Variants in RBFOX1 observed in about 807,000 individuals in gnomAD.
RBFOX1 encodes the protein RNA binding fox-1 homolog 1.
Under a neutral mutation model 57.7 loss-of-function variants are expected in RBFOX1, and 8 were observed. That is an observed-to-expected ratio of 0.14 (90% CI 0.08 to 0.25). The LOEUF (loss-of-function observed/expected upper bound fraction) is 0.25, where lower values mean the gene tolerates loss of function less well. Ranked by LOEUF, RBFOX1 falls within the 10% of genes least tolerant of loss-of-function variation. The pLI is 1.00. For synonymous variants in RBFOX1, 326 were observed against 222.4 expected (o/e 1.47, Z -4.15); for missense variants, 611 against 548.5 (o/e 1.11, Z -1.14).
At chr16:6,544,192 G>T (rs4786101) in intron 2 of RBFOX1, among the ~76,000 whole-genome samples, 1 of 152,064 alleles carries the variant, frequency 6.6e-6, no homozygotes, top group Non-Finnish European at 1.5e-5. Context: ...AGGCCCTGTT[G>T]AACAGGCATT....
At chr16:5,896,975 T>C (rs2152166655) in intron 4 of RBFOX1, among the ~76,000 whole-genome samples, 1 of 148,186 alleles carries the variant, frequency 6.7e-6, no homozygotes, top group East Asian at 2.0e-4. Context: ...TTTTTTAAAA[T>C]CATAAGGCTC....
intron 3 of RBFOX1, among the ~76,000 whole-genome samples, chr16:7,044,847 T>C (rs911282626): frequency 2.0e-5 from 3 of 152,154 alleles, no homozygotes; most frequent in Non-Finnish European, 2.9e-5. Flanking sequence ...GTGCCTTTTT[T>C]TCCACCTCCC....
At chr16:6,095,778 G>T (rs1274342803) in intron 1 of RBFOX1, among the ~76,000 whole-genome samples, 1 of 152,198 alleles carries the variant, frequency 6.6e-6, no homozygotes, top group Non-Finnish European at 1.5e-5. Context: ...AGAGGGGCAG[G>T]CTAATGACCC....
chr16:7,281,025 C>G (rs575009683), intron 4 of RBFOX1, among the ~76,000 whole-genome samples: 1 of 122,916 alleles, frequency 8.1e-6, no homozygotes, highest in African/African-American at 3.3e-5. Flanking sequence ...CCTTCCGAGA[C>G]AGAGTGAGTC....
chr16:7,103,075 A>G (rs555623329), intron 4 of RBFOX1, among the ~76,000 whole-genome samples: 3 of 151,958 alleles, frequency 2.0e-5, no homozygotes, highest in South Asian at 2.1e-4. Flanking sequence ...TTGCCTCAAA[A>G]AAAAAAAATG....
intron 4 of RBFOX1, among the ~76,000 whole-genome samples, chr16:7,250,848 C>T (rs1459494282): frequency 2.6e-5 from 4 of 152,090 alleles, no homozygotes; most frequent in African/African-American, 7.2e-5. Flanking sequence ...GAACTTAGGA[C>T]ACTGGGTGAT....
At chr16:7,140,944 C>A (rs1276124315) in intron 4 of RBFOX1, among the ~76,000 whole-genome samples, 2 of 152,082 alleles carry the variant, frequency 1.3e-5, no homozygotes, top group African/African-American at 2.4e-5. Context: ...TGTCTCAGAG[C>A]CTAACGTGGA....
chr16:5,660,940 T>TTAAC (rs2049626818), intron 3 of RBFOX1, among the ~76,000 whole-genome samples: 1 of 152,294 alleles, frequency 6.6e-6, no homozygotes, highest in Admixed American at 6.5e-5. Flanking sequence ...GGAGTGCTGA[T>TTAAC]GTTAGAGGTC....
chr16:6,513,541 C>T lies in RBFOX1; in HGVS notation c.-63-141062C>T, dbSNP rs910580509. Among the ~76,000 whole-genome samples, 3 of 152,020 alleles carry T rather than the reference C, an allele frequency of 2.0e-5. No homozygotes were observed. In the East Asian group the frequency reaches 5.8e-4, roughly 29 times the overall value. Reference sequence around the variant, plus strand: ...CTGAGGTCAGGAGTTCGAGACCAGCCTAGCCAACATGGTGAAAACCTGTCT... The same window carrying T: ...CTGAGGTCAGGAGTTCGAGACCAGCTTAGCCAACATGGTGAAAACCTGTCT... On this transcript the variant is annotated intron_variant, in intron 2 of 15. Transcript: ENST00000550418.
At chr16:5,300,327 A>C (rs2091524) in intron 1 of RBFOX1, among the ~76,000 whole-genome samples, 1 of 152,002 alleles carries the variant, frequency 6.6e-6, no homozygotes, top group African/African-American at 2.4e-5. Flanking sequence ...ACACAAGGGC[A>C]TAAGAATGAT....
intron 4 of RBFOX1, among the ~76,000 whole-genome samples, chr16:7,061,848 C>T (rs1159931103): frequency 6.6e-6 from 1 of 151,770 alleles, no homozygotes; most frequent in Non-Finnish European, 1.5e-5. Flanking sequence ...AATACCATTT[C>T]AGGAGAAAAA....
intron 2 of RBFOX1, among the ~76,000 whole-genome samples, chr16:6,522,154 A>G (rs918271539): frequency 7.0e-6 from 1 of 142,762 alleles, no homozygotes; most frequent in Non-Finnish European, 1.5e-5. Context: ...GGGGACCCAC[A>G]GTGTGTGTGT....
intron 1 of RBFOX1, among the ~76,000 whole-genome samples, chr16:5,299,136 A>G (rs1229992246): frequency 6.6e-6 from 1 of 151,732 alleles, no homozygotes; most frequent in Non-Finnish European, 1.5e-5. Context: ...CATCACAATA[A>G]ATTAAATTTG....
At chr16:7,372,863 C>T (rs1249182836) in intron 4 of RBFOX1, among the ~76,000 whole-genome samples, 2 of 151,718 alleles carry the variant, frequency 1.3e-5, no homozygotes, top group African/African-American at 4.8e-5. Context: ...GAATATCTTG[C>T]TTCTAGGTGG....
At chr16:6,150,403 C>T (rs1370865955) in intron 1 of RBFOX1, among the ~76,000 whole-genome samples, 1 of 152,046 alleles carries the variant, frequency 6.6e-6, no homozygotes, top group Admixed American at 6.6e-5. Context: ...CATGTGTAAA[C>T]AACAGTGCCC....
At chr16:6,843,851 C>T (rs966359859) in intron 3 of RBFOX1, among the ~76,000 whole-genome samples, 3 of 152,184 alleles carry the variant, frequency 2.0e-5, no homozygotes, top group African/African-American at 7.2e-5. Flanking sequence ...CCTGAACTGA[C>T]TGTTCCCTCA....
At position 7,009,661 on chromosome 16, in the gene RBFOX1, T is replaced by C. The variant is rs569236090; in HGVS notation, c.-15-42396T>C. 3.3e-5 allele frequency among the ~76,000 whole-genome samples: 5 copies of C among 152,268 alleles called. No individual in the cohort carries two copies. The South Asian group carries it at 1.0e-3, about 32-fold the overall frequency. On this transcript the variant is annotated intron_variant, in intron 3 of 15. Transcript: ENST00000550418. ...TCTACCGTCTGGGCACTTGTCACCA[T>C]AAAGAATATCCTAGAATTATAGGGA...
At chr16:5,797,410 T>A (rs1235890611) in intron 3 of RBFOX1, among the ~76,000 whole-genome samples, 1 of 152,234 alleles carries the variant, frequency 6.6e-6, no homozygotes, top group Admixed American at 6.5e-5. Context: ...AGTCACTCCC[T>A]ACTTGATTTT....
chr16:7,709,263 A>C, intron 15 of RBFOX1, 132 bp downstream of exon 15: 1 of 991,882 alleles, frequency 1.0e-6, no homozygotes, highest in Non-Finnish European at 1.5e-6. Context: ...ACAGCAGCTA[A>C]AATGCCACAT....
Sources: gnomAD v4.1 joint callset for allele counts (sites outside exome capture counted in the v4.1 genomes callset) on GRCh38, gnomAD v4.1.1 for gene constraint, MANE v1.5 for transcripts, NCBI Gene and HGNC (gene_info 2026-07-23, HGNC 2026-07-21) for gene names.